Variants in C10orf71 observed in about 807,000 individuals in gnomAD.
C10orf71 encodes the protein cardiac-enriched FHL2-interacting protein.
For synonymous variants in C10orf71, 758 were observed against 726.3 expected, an observed-to-expected ratio of 1.04 and a Z score of -0.70; for missense variants, 1,869 against 1,804.5, an observed-to-expected ratio of 1.04 and a Z score of -0.65.
Position 49,326,525 on chromosome 10 carries a change from C to A in C10orf71, c.3980C>A (p.Ala1327Asp), listed in dbSNP as rs768999465. ...TCCCCAGAGCCGCCCCCACCGGACG[C>A]CCTGGCCGCTCCCTATGTGCTGTAC... Reference protein sequence around the residue: ...GASPEPPPPDALAAPYVLYPG... With the variant: ...GASPEPPPPDDLAAPYVLYPG... Residue 1327 changes from alanine to aspartate, a missense_variant, in exon 3 of 3, where the codon GCC becomes GAC. Coordinates refer to ENST00000374144, the MANE Select transcript of C10orf71 (RefSeq NM_001135196.2). 5.2e-6 allele frequency: 8 copies of A among 1,550,446 alleles called. No homozygotes were observed. The South Asian group carries it at 9.5e-5, about 18-fold the overall frequency.
Position 49,323,927 on chromosome 10 carries a change from A to ACAGCCAGC in C10orf71, c.1387_1394dup (p.Glu466SerfsTer13). ...AGCAAGCACGCCCTGGATTCAGCAG[A>ACAGCCAGC]CAGCCAGCCAGCAGAGCGAACCCCA... On this transcript the variant is annotated frameshift_variant, in exon 3 of 3. Coordinates refer to ENST00000374144, the MANE Select transcript of C10orf71 (RefSeq NM_001135196.2). LOFTEE classifies it low-confidence loss of function (END_TRUNC). The ACAGCCAGC allele has an allele frequency of 6.2e-7, 1 of 1,613,490 alleles. No homozygotes were observed. Among genetic ancestry groups the ACAGCCAGC allele is most frequent in the Admixed American group, 1.7e-5 (1 of 59,972 alleles).
intron 1 of C10orf71, among the ~76,000 whole-genome samples, chr10:49,315,636 G>A (rs1195547710): frequency 1.3e-5 from 2 of 152,214 alleles, no homozygotes; most frequent in East Asian, 3.8e-4. Context: ...ACAAATTAAT[G>A]CATATTAGAA....
chr10:49,325,165 C>T lies in C10orf71; in HGVS notation c.2620C>T (p.Pro874Ser), dbSNP rs762244440. ...CCCCGTAATTAAACCTATCATGCTG[C>T]CTCTCCTGAGGACCATGTCCTTGGA... ...ATPVIKPIMLPLLRTMSLEDS... is the reference protein window; with the variant it reads ...ATPVIKPIMLSLLRTMSLEDS... The change falls in exon 3 of 3, where the codon CCT (proline) becomes TCT (serine). Residue 874 changes from proline to serine, a missense_variant. Transcript: ENST00000374144. 6.4e-7 allele frequency: 1 copy of T among 1,552,106 alleles called. No homozygotes were observed.
chr10:49,325,485 C>A lies in C10orf71; in HGVS notation c.2940C>A (p.Leu980=), dbSNP rs766572381. The A allele has an allele frequency of 4.5e-6, 7 of 1,550,516 alleles. No individual in the cohort carries two copies. Among genetic ancestry groups the A allele is most frequent in the South Asian group, 1.2e-5 (1 of 83,952 alleles). ...CACCACCAGATGCTGCACCTGGCCT[C>A]GTGGCAAGCAATTGCAAGAGCGGTT... ...VKAPPDAAPG[L]VASNCKSGSA... is the part of the protein sequence containing the mutation. The change falls in exon 3 of 3, where the codon CTC becomes CTA. Residue 980 remains leucine, a synonymous_variant. Coordinates refer to ENST00000374144, the MANE Select transcript of C10orf71 (RefSeq NM_001135196.2).
upstream of C10orf71, chr10:49,298,614 G>C (rs1264807580): frequency 6.6e-6 from 1 of 152,240 alleles, no homozygotes; most frequent in Non-Finnish European, 1.5e-5. Flanking sequence ...CTGGCAGAAC[G>C]GGACTTGTCC....
chr10:49,322,656 C>T lies in C10orf71; in HGVS notation c.111C>T (p.Phe37=). 1.2e-5 allele frequency: 20 copies of T among 1,613,678 alleles called. No homozygotes were observed. The highest frequency in any genetic ancestry group is 1.7e-5 in the Non-Finnish European group (20 of 1,179,734). ...REVSSLTDRA[F]RSLCISEDTS... is the part of the protein sequence containing the mutation. Reference sequence around the variant, plus strand: ...TGAGCAGCCTAACAGACCGGGCATTCCGGAGTTTGTGCATCTCCGAGGACA... The same window carrying T: ...TGAGCAGCCTAACAGACCGGGCATTTCGGAGTTTGTGCATCTCCGAGGACA... Residue 37 remains phenylalanine (F), a synonymous_variant, in exon 3 of 3, where the codon TTC becomes TTT. Coordinates refer to ENST00000374144, the MANE Select transcript of C10orf71 (RefSeq NM_001135196.2).
At chr10:49,313,427 G>A (rs1454945895) in intron 1 of C10orf71, among the ~76,000 whole-genome samples, 4 of 152,182 alleles carry the variant, frequency 2.6e-5, no homozygotes. Flanking sequence ...TGGAAAGAGA[G>A]GATCTGTGTT....
chr10:49,317,212 C>T (rs765396687), intron 2 of C10orf71, among the ~76,000 whole-genome samples: 32 of 152,138 alleles, frequency 2.1e-4, no homozygotes, highest in Non-Finnish European at 7.3e-5. Flanking sequence ...GTGGTCAAAG[C>T]CACTCAGGTT....
In C10orf71 at chr10:49,323,775, T is replaced by G. The variant is rs757907021; in HGVS notation, c.1230T>G (p.Pro410=). The stretch of plus-strand genomic sequence containing the variant: ...CACAGACCAACCAGAGAGGCCCACC[T>G]TTGTATACAAAACACAACCCCCAGG... ...EKTQTNQRGP[P]LYTKHNPQEQ... Residue 410 remains proline, a synonymous_variant, in exon 3 of 3, where the codon CCT becomes CCG. Transcript: ENST00000374144. 3.1e-6 allele frequency: 5 copies of G among 1,614,004 alleles called. No homozygotes were observed. Among genetic ancestry groups the G allele is most frequent in the Non-Finnish European group, 4.2e-6 (5 of 1,179,876 alleles).
chr10:49,325,292 C>T lies in C10orf71; in HGVS notation c.2747C>T (p.Thr916Ile), dbSNP rs1849203078. ...CCCGAAAACCAGGACATTCTTGGTACATCGACACCCACTAACACACGGGGC... is the reference window on the plus strand; with the variant it reads ...CCCGAAAACCAGGACATTCTTGGTATATCGACACCCACTAACACACGGGGC... ...CAPENQDILG[T>I]STPTNTRGTR... The change falls in exon 3 of 3, where the codon ACA becomes ATA. Residue 916 changes from threonine (T) to isoleucine (I), a missense_variant. By Grantham distance (89) the Thr-to-Ile change is moderately conservative (BLOSUM62 -1). Coordinates refer to ENST00000374144, the MANE Select transcript of C10orf71 (RefSeq NM_001135196.2). 1 of 1,551,770 alleles carries T rather than the reference C, an allele frequency of 6.4e-7. No homozygotes were observed. Among genetic ancestry groups the T allele is most frequent in the African/African-American group, 1.4e-5 (1 of 73,172 alleles).
intron 2 of C10orf71, among the ~76,000 whole-genome samples, chr10:49,317,286 A>T (rs901876397): frequency 6.6e-6 from 1 of 152,194 alleles, no homozygotes; most frequent in East Asian, 1.9e-4. Context: ...CCGTGGGCTC[A>T]TGGCTTAGCA....
At chr10:49,297,830 G>A (rs1026370184), upstream of C10orf71, among the ~76,000 whole-genome samples, 16 of 152,230 alleles carry the variant, frequency 1.1e-4, no homozygotes, top group African/African-American at 3.9e-4. Flanking sequence ...AAATGGGGAG[G>A]TAGGGAGGTG....
intron 1 of C10orf71, among the ~76,000 whole-genome samples, chr10:49,308,207 TG>T (rs1170618852): frequency 2.0e-5 from 3 of 152,202 alleles, no homozygotes; most frequent in African/African-American, 7.2e-5. Flanking sequence ...CCACAACCCC[TG>T]GGGCATCCTG....
Position 49,323,270 on chromosome 10 carries a change from C to T in C10orf71, c.725C>T (p.Thr242Met), listed in dbSNP as rs541995659. 9.3e-6 allele frequency: 15 copies of T among 1,613,822 alleles called. No homozygotes were observed. Among genetic ancestry groups the T allele is most frequent in the African/African-American group, 2.7e-5 (2 of 75,030 alleles). ...AGCTTCCTCCCAGCAGCCAATGACA[C>T]GGCCACCTTATGTGAGTCAAAGTTC... ...SSSFLPAANDTATLCESKFPS... is the reference protein window; with the variant it reads ...SSSFLPAANDMATLCESKFPS... Residue 242 changes from threonine (T) to methionine (M), a missense_variant, in exon 3 of 3, where the codon ACG becomes ATG. By Grantham distance (81) the Thr-to-Met change is moderately conservative. Coordinates refer to ENST00000374144, the MANE Select transcript of C10orf71 (RefSeq NM_001135196.2).
In C10orf71 at chr10:49,322,972, G is replaced by T; in HGVS notation, c.427G>T (p.Val143Leu). The T allele has an allele frequency of 1.2e-6, 2 of 1,614,018 alleles. No individual in the cohort carries two copies. Among genetic ancestry groups the T allele is most frequent in the East Asian group, 2.2e-5 (1 of 44,884 alleles). The change falls in exon 3 of 3, where the codon GTA (valine) becomes TTA (leucine). Residue 143 changes from valine (V) to leucine (L), a missense_variant. Coordinates refer to ENST00000374144, the MANE Select transcript of C10orf71 (RefSeq NM_001135196.2). ...GAGCAGCAATAAGCCTGTCTCCAAA[G>T]TATCAACACTAATTAAATCTTTCGA... The part of the protein sequence containing the change: ...LRSSNKPVSK[V>L]STLIKSFDRT...
rs184974401 is a variant in C10orf71 at position 49,311,145 on chromosome 10, C to T, written c.-247-5000C>T. ...TCCTCCCTCTGAGGGCACTTTGTCT[C>T]TCCTCATGGGTGATTGTGGTCCCTG... is the stretch of plus-strand genomic sequence containing the variant. On this transcript the variant is annotated intron_variant, in intron 1 of 2. Transcript: ENST00000374144. 6.2e-4 allele frequency among the ~76,000 whole-genome samples: 94 copies of T among 152,206 alleles called. 2 individuals are homozygous for T. The highest frequency in any genetic ancestry group is 8.2e-4 in the Non-Finnish European group (56 of 68,020).
At chr10:49,314,456 G>T (rs1226845439) in intron 1 of C10orf71, among the ~76,000 whole-genome samples, 1 of 152,198 alleles carries the variant, frequency 6.6e-6, no homozygotes, top group Non-Finnish European at 1.5e-5. Context: ...CACCAGTTCA[G>T]AGTGGCTTCC....
intron 1 of C10orf71, among the ~76,000 whole-genome samples, chr10:49,305,062 G>A (rs1046942618): frequency 6.6e-6 from 1 of 152,170 alleles, no homozygotes; most frequent in Non-Finnish European, 1.5e-5. Context: ...AGTAAGTAAG[G>A]GCCAGGGCAG....
rs997259208 is a variant in C10orf71 at position 49,327,483 on chromosome 10, C to T, written c.*630C>T. ...AAAAAGTGAAACAAGTTTGCAGATA[C>T]GGTTCTCTTCCTGGACTCCTGTCTT... On this transcript the variant is annotated 3_prime_UTR_variant, in exon 3 of 3. Transcript: ENST00000374144. The T allele has an allele frequency of 4.0e-5, 7 of 173,482 alleles. No homozygotes were observed. The highest frequency in any genetic ancestry group is 3.7e-4 in the East Asian group (2 of 5,400). 10.7% of individuals were successfully genotyped at this position (173,482 alleles called of 1,614,324 possible).
Sources: gnomAD v4.1 joint callset for allele counts (sites outside exome capture counted in the v4.1 genomes callset) on GRCh38, gnomAD v4.1.1 for gene constraint, MANE v1.5 for transcripts, NCBI Gene and HGNC (gene_info 2026-07-23, HGNC 2026-07-21) for gene names.